LMTK2: variants seen among roughly 807,000 people sequenced by gnomAD.
The protein encoded by LMTK2 is lemur tail kinase 2.
In LMTK2, 37 loss-of-function variants were observed where a neutral mutation model predicts 127.5. That is an observed-to-expected ratio of 0.29 (90% CI 0.22 to 0.38). The LOEUF (loss-of-function observed/expected upper bound fraction) is 0.38, where lower values mean the gene tolerates loss of function less well. Among genes scored for constraint, LMTK2 ranks in the 10% least tolerant of loss-of-function variants. The pLI is 1.00. For synonymous variants in LMTK2, 819 were observed against 810.1 expected, an observed-to-expected ratio of 1.01 and a Z score of -0.19; for missense variants, 1,694 against 1,920.3, an observed-to-expected ratio of 0.88 and a Z score of 2.20.
At chr7:98,124,318 A>G (rs1174028674) in intron 1 of LMTK2, among the ~76,000 whole-genome samples, 1 of 152,176 alleles carries the variant, frequency 6.6e-6, no homozygotes, top group Non-Finnish European at 1.5e-5. Context: ...ACCTTGGAGA[A>G]GTTACTTTGC....
intron 3 of LMTK2, among the ~76,000 whole-genome samples, chr7:98,146,386 T>TTTTTA (rs58095775): frequency 0.053 from 8,068 of 151,744 alleles, 597 homozygotes; most frequent in East Asian, 0.35. Flanking sequence ...TCTGATAGTT[T>TTTTTA]TTTTATTTTA....
Position 98,194,609 on chromosome 7 carries a change from C to A in LMTK2, c.4107+37C>A. 1 of 1,511,750 alleles carries A rather than the reference C, an allele frequency of 6.6e-7. No homozygotes were observed. The allele number at this position is 1,511,750 out of a possible 1,614,324, so 93.6% of individuals were successfully genotyped here. Reference sequence around the variant, plus strand: ...CTCTAAATCATTTTCTATACACATCCATATAAGGATTCCAAAATGTGCTAG... The same window carrying A: ...CTCTAAATCATTTTCTATACACATCAATATAAGGATTCCAAAATGTGCTAG... On this transcript the variant is annotated intron_variant, in intron 11 of 13. Transcript: ENST00000297293. This position sits in a 1 kb window ranked among gnomAD's most constrained non-coding sequence, Gnocchi z 5.4.
intron 2 of LMTK2, among the ~76,000 whole-genome samples, chr7:98,140,928 G>A (rs959559174): frequency 3.3e-5 from 5 of 151,570 alleles, no homozygotes; most frequent in Non-Finnish European, 7.4e-5. Context: ...GTGGTGATGC[G>A]TGCCTGTGGT....
rs189276210 is a variant in LMTK2 at position 98,122,816 on chromosome 7, C to T, written c.104-14499C>T. 2.6e-3 allele frequency among the ~76,000 whole-genome samples: 389 copies of T among 151,586 alleles called. 2 individuals carry two copies. The highest frequency in any genetic ancestry group is 0.017 in the Admixed American group (260 of 15,174). ...TTACAGGCTGAGCCACTGTGCCTGGCCTGCATAACACTTTTAAACATGCTT... is the reference window on the plus strand; with the variant it reads ...TTACAGGCTGAGCCACTGTGCCTGGTCTGCATAACACTTTTAAACATGCTT... On this transcript the variant is annotated intron_variant, in intron 1 of 13. Transcript: ENST00000297293.
At chr7:98,153,507 G>C (rs1389304380) in intron 4 of LMTK2, among the ~76,000 whole-genome samples, 2 of 152,210 alleles carry the variant, frequency 1.3e-5, no homozygotes, top group Non-Finnish European at 2.9e-5. Context: ...GTACATCCTT[G>C]CGTGGAATGG....
chr7:98,203,446 C>A, intron 11 of LMTK2, 128 bp from the exon 12 acceptor site: 2 of 1,257,454 alleles, frequency 1.6e-6, no homozygotes, highest in Non-Finnish European at 2.1e-6. Flanking sequence ...AGGCCTGGAG[C>A]CGCCCTTGTC....
rs1243523674 is a variant in LMTK2 at position 98,203,937 on chromosome 7, T to A, written c.4241-7T>A. ...AAAAAGGGTGGGGTTTTATTTTTTA[T>A]TTCTAGGTGGTGGCTTTGAGTGGGA... is the stretch of plus-strand genomic sequence containing the variant. On this transcript the variant is annotated splice_region_variant and splice_polypyrimidine_tract_variant and intron_variant, in intron 12 of 13. Coordinates refer to ENST00000297293, the MANE Select transcript of LMTK2 (RefSeq NM_014916.4). 6.2e-7 allele frequency: 1 copy of A among 1,613,096 alleles called. No individual in the cohort carries two copies. The highest frequency in any genetic ancestry group is 8.5e-7 in the Non-Finnish European group (1 of 1,179,760).
intron 2 of LMTK2, among the ~76,000 whole-genome samples, chr7:98,138,329 T>C (rs1051113225): frequency 2.6e-5 from 4 of 152,134 alleles, no homozygotes; most frequent in Non-Finnish European, 5.9e-5. Flanking sequence ...TCCCTGGACA[T>C]GGGGCCCTGG....
At chr7:98,113,331 A>G (rs982363022) in intron 1 of LMTK2, among the ~76,000 whole-genome samples, 2 of 152,164 alleles carry the variant, frequency 1.3e-5, no homozygotes, top group African/African-American at 4.8e-5. Context: ...CCGTGTTTAT[A>G]AGTTTCCTGA....
At chr7:98,144,013 T>C (rs1273808951) in intron 3 of LMTK2, among the ~76,000 whole-genome samples, 2 of 152,226 alleles carry the variant, frequency 1.3e-5, no homozygotes, top group African/African-American at 2.4e-5. Context: ...GAAAAAGATA[T>C]ACCACATACA....
chr7:98,205,089 T>C (rs558446965), intron 13 of LMTK2, among the ~76,000 whole-genome samples: 1 of 152,366 alleles, frequency 6.6e-6, no homozygotes, highest in Non-Finnish European at 1.5e-5. Flanking sequence ...GGCTCATTTT[T>C]TGATTGGAAG....
intron 1 of LMTK2, among the ~76,000 whole-genome samples, chr7:98,123,156 T>C (rs1352167066): frequency 6.6e-6 from 1 of 152,196 alleles, no homozygotes; most frequent in East Asian, 1.9e-4. Flanking sequence ...TTTAGCCACA[T>C]TGTGGGCTAA....
rs1361200386 is a variant in LMTK2, at chr7:98,194,141, G to A, written c.3676G>A (p.Ala1226Thr). ...ACAGGACGATCGCCCCTGCACCCTC[G>A]CTTCCACGGGGACCAACACGAACGA... ...ETQDDRPCTLASTGTNTNELL... is the reference protein window; with the variant it reads ...ETQDDRPCTLTSTGTNTNELL... The change falls in exon 11 of 14, where the codon GCT (alanine) becomes ACT (threonine). Residue 1226 changes from alanine to threonine, a missense_variant. Physicochemically the swap from Ala to Thr is moderately conservative, Grantham distance 58 (BLOSUM62 0). This residue lies in a region of LMTK2 where 554 missense variants were observed against 567.7 expected (regional missense o/e 0.98). Transcript: ENST00000297293. This position sits in a 1 kb window ranked among gnomAD's most constrained non-coding sequence, Gnocchi z 5.4. 10 of 1,613,908 alleles carry A rather than the reference G, an allele frequency of 6.2e-6. No homozygotes were observed. Among genetic ancestry groups the A allele is most frequent in the East Asian group, 2.2e-5 (1 of 44,892 alleles).
intron 4 of LMTK2, among the ~76,000 whole-genome samples, chr7:98,154,228 T>C (rs1584267035): frequency 6.6e-6 from 1 of 152,182 alleles, no homozygotes; most frequent in East Asian, 1.9e-4. Flanking sequence ...GTGTTTTGAA[T>C]GGAGATTTGG....
At chr7:98,177,388 A>G (rs995023732) in intron 7 of LMTK2, among the ~76,000 whole-genome samples, 8 of 152,256 alleles carry the variant, frequency 5.3e-5, no homozygotes, top group Non-Finnish European at 1.0e-4. Flanking sequence ...AGAATGTAAA[A>G]TAACATGTGG....
intron 1 of LMTK2, among the ~76,000 whole-genome samples, chr7:98,127,379 G>A (rs930692150): frequency 6.6e-6 from 1 of 152,162 alleles, no homozygotes; most frequent in Non-Finnish European, 1.5e-5. Flanking sequence ...GGGCCCATTT[G>A]GAAGGTTGCT....
chr7:98,194,455 G>A lies in LMTK2; in HGVS notation c.3990G>A (p.Leu1330=), dbSNP rs1261798403. ...IILSNEDGRH[L]RSLLKPTAAN... Reference sequence around the variant, plus strand: ...TCAGCAACGAGGACGGAAGGCACCTGCGGAGTCTGTTGAAGCCCACAGCGG... The same window carrying A: ...TCAGCAACGAGGACGGAAGGCACCTACGGAGTCTGTTGAAGCCCACAGCGG... The change falls in exon 11 of 14, where the codon CTG becomes CTA. Residue 1330 remains leucine (L), a synonymous_variant. Coordinates refer to ENST00000297293, the MANE Select transcript of LMTK2 (RefSeq NM_014916.4). The surrounding 1 kb of genome is among the most constrained non-coding windows in gnomAD (Gnocchi z 5.4). The A allele has an allele frequency of 6.2e-7, 1 of 1,614,124 alleles. No individual in the cohort carries two copies.
intron 7 of LMTK2, among the ~76,000 whole-genome samples, chr7:98,178,162 T>A (rs1797302399): frequency 6.6e-6 from 1 of 152,216 alleles, no homozygotes; most frequent in Non-Finnish European, 1.5e-5. Context: ...TATGCCAAGC[T>A]GCTAGAAGAA....
intron 1 of LMTK2, among the ~76,000 whole-genome samples, chr7:98,128,098 C>T (rs1255422633): frequency 2.6e-5 from 4 of 152,064 alleles, no homozygotes; most frequent in African/African-American, 7.2e-5. Flanking sequence ...GAGCCAAGAT[C>T]GCGCCACTGT....
Sources: allele counts gnomAD v4.1 joint callset (sites outside exome capture counted in the v4.1 genomes callset), GRCh38; gene constraint gnomAD v4.1.1; regional missense constraint gnomAD v4.1.1; non-coding constraint Gnocchi (gnomAD v3.1); transcripts MANE v1.5; gene names NCBI Gene and HGNC (gene_info 2026-07-23, HGNC 2026-07-21).